SPOCK3: variants seen among roughly 807,000 people sequenced by gnomAD.
The protein encoded by SPOCK3 is SPARC (osteonectin), cwcv and kazal like domains proteoglycan 3.
SPOCK3 carries 30 observed loss-of-function variants against 56.6 expected under a neutral mutation model. The ratio of observed to expected loss-of-function variants is 0.53; its 90% CI spans 0.40 to 0.72. The LOEUF is 0.72. Ranked by LOEUF, SPOCK3 falls within the 30% of genes least tolerant of loss-of-function variation. SPOCK3 has a pLI of 0.00. For missense variants in SPOCK3, 527 were observed against 530.0 expected (o/e 0.99, Z 0.06); for synonymous variants, 196 against 183.3 (o/e 1.07, Z -0.56).
At position 167,194,058 on chromosome 4, in the gene SPOCK3, T is replaced by C. The variant is rs549717788; in HGVS notation, c.189+39927A>G. Reference sequence around the variant, plus strand: ...ATGTTTTCTACACTGTTTTGCATTCTCTATTGATTGTTCCTCTGCTTTCTT... The same window carrying C: ...ATGTTTTCTACACTGTTTTGCATTCCCTATTGATTGTTCCTCTGCTTTCTT... On this transcript the variant is annotated intron_variant, in intron 2 of 10. Coordinates refer to ENST00000357545, the MANE Select transcript of SPOCK3 (RefSeq NM_001040159.2). Among the ~76,000 whole-genome samples, 8 of 152,320 alleles carry C rather than the reference T, an allele frequency of 5.3e-5. 1 individual carries two copies. The South Asian group carries it at 1.4e-3, about 28-fold the overall frequency.
chr4:166,819,859 A>G (rs1744745273), intron 6 of SPOCK3, among the ~76,000 whole-genome samples: 1 of 151,854 alleles, frequency 6.6e-6, no homozygotes, highest in Admixed American at 6.6e-5. Flanking sequence ...AGATGGGACT[A>G]CAGGCATGCA....
At chr4:166,957,498 T>A (rs1039690732) in intron 4 of SPOCK3, among the ~76,000 whole-genome samples, 2 of 152,148 alleles carry the variant, frequency 1.3e-5, no homozygotes, top group Non-Finnish European at 2.9e-5. Context: ...TATTTGCAAC[T>A]CCATCATTCT....
At chr4:166,931,026 A>C (rs1324027839) in intron 4 of SPOCK3, among the ~76,000 whole-genome samples, 1 of 152,052 alleles carries the variant, frequency 6.6e-6, no homozygotes, top group African/African-American at 2.4e-5. Context: ...TCTGTCGCCA[A>C]GCTGGAGTGC....
chr4:167,193,680 T>G (rs1732673016), intron 2 of SPOCK3, among the ~76,000 whole-genome samples: 1 of 145,844 alleles, frequency 6.9e-6, no homozygotes, highest in African/African-American at 2.6e-5. Context: ...TTTCAACACT[T>G]TAAATATACT....
At chr4:166,807,737 TTTATCAGGTA>T (rs1305361745) in intron 6 of SPOCK3, among the ~76,000 whole-genome samples, 1 of 152,120 alleles carries the variant, frequency 6.6e-6, no homozygotes, top group Admixed American at 6.6e-5. Context: ...AACTCTTCTA[TTTATCAGGTA>T]AGAAGAAAAA....
At chr4:166,769,035 T>C (rs967934308) in intron 7 of SPOCK3, among the ~76,000 whole-genome samples, 4 of 152,216 alleles carry the variant, frequency 2.6e-5, no homozygotes, top group African/African-American at 4.8e-5. Flanking sequence ...TTTTCAGCTC[T>C]ATCAGGTGAT....
chr4:166,771,434 C>A (rs1738916428), intron 7 of SPOCK3, among the ~76,000 whole-genome samples: 1 of 151,912 alleles, frequency 6.6e-6, no homozygotes. Context: ...TAGATGTGCA[C>A]ATTAAGGCCT....
chr4:166,896,203 G>T (rs987099587), intron 5 of SPOCK3, among the ~76,000 whole-genome samples: 16 of 152,274 alleles, frequency 1.1e-4, no homozygotes, highest in Admixed American at 8.5e-4. Flanking sequence ...TCTGTCTATT[G>T]CTTCTTAATA....
chr4:166,930,226 T>C (rs1035590012), intron 4 of SPOCK3, among the ~76,000 whole-genome samples: 2 of 152,106 alleles, frequency 1.3e-5, no homozygotes, highest in African/African-American at 4.8e-5. Context: ...AAAGAAAACA[T>C]ATTTTTCCCT....
At chr4:166,965,364 G>T (rs1201643065) in intron 4 of SPOCK3, among the ~76,000 whole-genome samples, 1 of 149,340 alleles carries the variant, frequency 6.7e-6, no homozygotes, top group Non-Finnish European at 1.5e-5. Flanking sequence ...GTAGTGAAAG[G>T]TCTGCTGGCA....
At chr4:167,117,403 C>G (rs1761517059) in intron 2 of SPOCK3, among the ~76,000 whole-genome samples, 1 of 152,036 alleles carries the variant, frequency 6.6e-6, no homozygotes, top group South Asian at 2.1e-4. Context: ...TATGAGGAAG[C>G]CTGAGTCCCG....
chr4:166,750,174 ATTAT>A (rs976254563), intron 8 of SPOCK3, among the ~76,000 whole-genome samples: 4 of 152,168 alleles, frequency 2.6e-5, no homozygotes, highest in Non-Finnish European at 4.4e-5. Context: ...CTATTTTCTT[ATTAT>A]TTATTAGCCA....
intron 2 of SPOCK3, among the ~76,000 whole-genome samples, chr4:167,077,091 G>A (rs1425821684): frequency 6.6e-6 from 1 of 151,852 alleles, no homozygotes; most frequent in Non-Finnish European, 1.5e-5. Flanking sequence ...TTGTACAGAT[G>A]AAAGGCACCA....
Position 166,734,169 on chromosome 4 carries a change from T to TAA in SPOCK3, c.*750_*751dup, listed in dbSNP as rs900324171. ...CTCCCTAAGTTGCTGGTCAGAAAGA[T>TAA]AAAGAAATCTAGAAAGGCAAACAAA... On this transcript the variant is annotated 3_prime_UTR_variant, in exon 11 of 11. Coordinates refer to ENST00000357545, the MANE Select transcript of SPOCK3 (RefSeq NM_001040159.2). The TAA allele has an allele frequency of 6.6e-6, 1 of 151,874 alleles. No homozygotes were observed. Among genetic ancestry groups the TAA allele is most frequent in the African/African-American group, 2.4e-5 (1 of 41,434 alleles). 9.4% of individuals were successfully genotyped at this position (151,874 alleles called of 1,614,324 possible). A position where few individuals can be genotyped will look rare whatever the true frequency, so the allele number is the denominator to read the frequency against.
At chr4:166,980,767 G>A (rs1746487079) in intron 4 of SPOCK3, among the ~76,000 whole-genome samples, 1 of 152,356 alleles carries the variant, frequency 6.6e-6, no homozygotes, top group African/African-American at 2.4e-5. Flanking sequence ...TGTGTGAGGG[G>A]AATGTGGCAA....
rs183524527 is a variant in SPOCK3, at chr4:166,892,695, A to G, written c.475-3451T>C. The stretch of plus-strand genomic sequence containing the variant: ...AAAAATGCAAATAATGTAGAGAAAG[A>G]CATGATTAATGCTTTCCTGATTATC... On this transcript the variant is annotated intron_variant, in intron 5 of 10. Coordinates refer to ENST00000357545, the MANE Select transcript of SPOCK3 (RefSeq NM_001040159.2). Among the ~76,000 whole-genome samples, 699 of 152,220 alleles carry G rather than the reference A, an allele frequency of 4.6e-3. 5 individuals carry two copies. The highest frequency in any genetic ancestry group is 0.016 in the African/African-American group (670 of 41,570).
Position 167,042,423 on chromosome 4 carries a change from T to C in SPOCK3, c.235+20069A>G, listed in dbSNP as rs968680832. On this transcript the variant is annotated intron_variant, in intron 3 of 10. Transcript: ENST00000357545. ...TGTTTTAACTTAAACTATGTCTGGA[T>C]CAAATACATATGATGTGGAGTTTGT... Among the ~76,000 whole-genome samples, 3 of 152,278 alleles carry C rather than the reference T, an allele frequency of 2.0e-5. No homozygotes were observed. In the East Asian group the frequency reaches 5.8e-4, roughly 29 times the overall value.
intron 3 of SPOCK3, among the ~76,000 whole-genome samples, chr4:167,017,932 T>C (rs1366634634): frequency 6.6e-6 from 1 of 152,130 alleles, no homozygotes; most frequent in East Asian, 1.9e-4. Flanking sequence ...TCAATTGTTA[T>C]CTAATTGTTA....
intron 2 of SPOCK3, among the ~76,000 whole-genome samples, chr4:167,111,583 A>T (rs1760902130): frequency 6.6e-6 from 1 of 152,168 alleles, no homozygotes; most frequent in African/African-American, 2.4e-5. Context: ...TCTCTAGTTA[A>T]CATTAATTCA....
Sources: gnomAD v4.1 joint callset for allele counts (sites outside exome capture counted in the v4.1 genomes callset) on GRCh38, gnomAD v4.1.1 for gene constraint, MANE v1.5 for transcripts, NCBI Gene and HGNC (gene_info 2026-07-23, HGNC 2026-07-21) for gene names.